Variants in OCA2 observed in about 807,000 individuals in gnomAD.
The protein encoded by OCA2 is OCA2 melanosomal transmembrane protein, also known as P protein.
In OCA2, 77 loss-of-function variants were observed where a neutral mutation model predicts 100.2. The ratio of observed to expected loss-of-function variants is 0.77; its 90% CI spans 0.64 to 0.93. The LOEUF is 0.93. Ranked by LOEUF, OCA2 falls within the 40% of genes least tolerant of loss-of-function variation. The pLI, the probability that OCA2 is intolerant of heterozygous loss-of-function variation, is 0.00. For synonymous variants in OCA2, 432 were observed against 439.2 expected (o/e 0.98, Z 0.21); for missense variants, 1,062 against 1,089.1 (o/e 0.98, Z 0.35).
chr15:27,985,092 T>C lies in OCA2; in HGVS notation c.1336A>G (p.Met446Val), dbSNP rs140566426. The C allele has an allele frequency of 2.4e-4, 391 of 1,613,868 alleles. 1 individual carries two copies. The highest frequency in any genetic ancestry group is 7.5e-4 in the African/African-American group (56 of 75,006). The change falls in exon 13 of 24, where the codon ATG (methionine) becomes GTG (valine). Residue 446 changes from methionine to valine, a missense_variant. Physicochemically the swap from Met to Val is conservative, Grantham distance 21 (BLOSUM62 1). Coordinates refer to ENST00000354638, the MANE Select transcript of OCA2 (RefSeq NM_000275.3). ...LSAFLDNVTT[M>V]LLFTPVTIRL... The stretch of plus-strand genomic sequence containing the variant: ...ATGGTCACAGGCGTGAAGAGGAGCA[T>C]GGTGGTGACGTTGTCCAAGAAGGCA...
At chr15:27,850,692 AC>A (rs1260482794) in intron 22 of OCA2, among the ~76,000 whole-genome samples, 1 of 152,238 alleles carries the variant, frequency 6.6e-6, no homozygotes, top group Non-Finnish European at 1.5e-5. Flanking sequence ...CAATCAAAGA[AC>A]AAAGAAAGCT....
At chr15:27,968,146 C>T (rs569720189) in intron 14 of OCA2, among the ~76,000 whole-genome samples, 25 of 152,380 alleles carry the variant, frequency 1.6e-4, no homozygotes, top group African/African-American at 5.8e-4. Context: ...TTGGTTGGTT[C>T]TGTTCTTTCA....
At chr15:27,832,257 A>T (rs927359613) in intron 23 of OCA2, among the ~76,000 whole-genome samples, 4 of 151,740 alleles carry the variant, frequency 2.6e-5, no homozygotes, top group Non-Finnish European at 5.9e-5. Context: ...CCCTGCACAC[A>T]CTGGCCCCAA....
At chr15:27,793,297 T>C (rs564166320) in intron 23 of OCA2, among the ~76,000 whole-genome samples, 25 of 152,254 alleles carry the variant, frequency 1.6e-4, no homozygotes, top group African/African-American at 6.0e-4. Context: ...TTTGCAATCT[T>C]ATGAGTGTTT....
the OCA2 span, among the ~76,000 whole-genome samples, chr15:27,723,008 AT>A: frequency 6.6e-6 from 1 of 151,398 alleles, no homozygotes; most frequent in Non-Finnish European, 1.5e-5. Flanking sequence ...TGCCTGGCTA[AT>A]TTTTTGTATT....
chr15:27,747,282 C>T, the OCA2 span, among the ~76,000 whole-genome samples: 1 of 152,206 alleles, frequency 6.6e-6, no homozygotes, highest in Non-Finnish European at 1.5e-5. Context: ...TGATTATATA[C>T]AGCACAACAA....
intron 23 of OCA2, among the ~76,000 whole-genome samples, chr15:27,820,060 A>G (rs1275059822): frequency 6.6e-6 from 1 of 152,240 alleles, no homozygotes; most frequent in Non-Finnish European, 1.5e-5. Context: ...ACTGGGAAGA[A>G]GTTGAGTAAG....
intron 11 of OCA2, among the ~76,000 whole-genome samples, chr15:27,987,643 G>A (rs546484513): frequency 2.0e-5 from 3 of 151,988 alleles, no homozygotes; most frequent in Admixed American, 6.5e-5. Context: ...GCAGGAGAAT[G>A]GCATGAACCC....
intron 9 of OCA2, among the ~76,000 whole-genome samples, chr15:27,997,705 T>C (rs1595790042): frequency 8.6e-6 from 1 of 116,382 alleles, no homozygotes; most frequent in Admixed American, 8.5e-5. Flanking sequence ...TTTTTTCCAA[T>C]TCTGTGAAGA....
intron 19 of OCA2, among the ~76,000 whole-genome samples, chr15:27,876,533 A>G (rs2036799367): frequency 6.6e-6 from 1 of 152,002 alleles, no homozygotes; most frequent in African/African-American, 2.4e-5. Context: ...TTCTTACTCA[A>G]TGTTTGAGAA....
At chr15:27,977,812 C>T (rs1015545924) in intron 14 of OCA2, among the ~76,000 whole-genome samples, 30 of 152,156 alleles carry the variant, frequency 2.0e-4, no homozygotes, top group African/African-American at 7.2e-4. Context: ...AGAGCTTCAT[C>T]TCTGCCTCTT....
chr15:27,721,748 A>G, the OCA2 span, among the ~76,000 whole-genome samples: 1 of 152,250 alleles, frequency 6.6e-6, no homozygotes, highest in Non-Finnish European at 1.5e-5. Context: ...CTGTAAGTGG[A>G]AATGACAAAA....
rs1428151996 is a variant in OCA2, at chr15:27,926,189, T to C, written c.2017A>G (p.Ile673Val). 1 of 1,614,108 alleles carries C rather than the reference T, an allele frequency of 6.2e-7. No homozygotes were observed. The highest frequency in any genetic ancestry group is 2.2e-5 in the East Asian group (1 of 44,860). Residue 673 changes from isoleucine (I) to valine (V), a missense_variant, in exon 19 of 24, where the codon ATT (isoleucine) becomes GTT (valine). Coordinates refer to ENST00000354638, the MANE Select transcript of OCA2 (RefSeq NM_000275.3). ...GTTGCCCATTCCACTCTGTGTAGAA[T>C]TATCTCAAAATCATGAATATCAGCT... is the stretch of plus-strand genomic sequence containing the variant. ...ILADIHDFEI[I>V]LHRVEWATLL... is the part of the protein sequence containing the mutation.
chr15:27,952,651 C>CATTT (rs1358568717), intron 17 of OCA2, among the ~76,000 whole-genome samples: 11 of 152,146 alleles, frequency 7.2e-5, no homozygotes, highest in East Asian at 1.9e-4. Flanking sequence ...TTCTTTCTTT[C>CATTT]ATTTATTTAT....
At chr15:27,722,780 T>TCTCTCTCTCTCTCTC in the OCA2 span, among the ~76,000 whole-genome samples, 2 of 134,210 alleles carry the variant, frequency 1.5e-5, no homozygotes, top group Non-Finnish European at 3.1e-5. Context: ...TTTTCTTTCT[T>TCTCTCTCTCTCTCTC]TCTCTCTCTC....
chr15:27,959,181 C>A (rs2040329536), intron 15 of OCA2, among the ~76,000 whole-genome samples: 1 of 152,292 alleles, frequency 6.6e-6, no homozygotes, highest in South Asian at 2.1e-4. Context: ...AAGATGAAAA[C>A]CTTTAGAACT....
intron 9 of OCA2, among the ~76,000 whole-genome samples, chr15:28,007,166 A>C (rs1716329677): frequency 6.6e-6 from 1 of 152,238 alleles, no homozygotes; most frequent in Non-Finnish European, 1.5e-5. Context: ...CTGTGGTGGC[A>C]ATCCTTCTTA....
At chr15:27,970,434 G>C (rs2040735010) in intron 14 of OCA2, among the ~76,000 whole-genome samples, 1 of 152,214 alleles carries the variant, frequency 6.6e-6, no homozygotes, top group Admixed American at 6.5e-5. Context: ...GAACTTCACA[G>C]CACATGCAGC....
At chr15:27,833,490 AC>A (rs530642167) in intron 23 of OCA2, among the ~76,000 whole-genome samples, 10 of 152,174 alleles carry the variant, frequency 6.6e-5, no homozygotes, top group Non-Finnish European at 8.8e-5. Context: ...CAGGACATTT[AC>A]TCTTTAGTCC....
Sources: gnomAD v4.1 joint callset for allele counts (sites outside exome capture counted in the v4.1 genomes callset) on GRCh38, gnomAD v4.1.1 for gene constraint, MANE v1.5 for transcripts, NCBI Gene and HGNC (gene_info 2026-07-23, HGNC 2026-07-21) for gene names.